The following KCNN2 variants were observed in gnomAD, a reference collection of about 807,000 sequenced individuals.
KCNN2 encodes the protein small conductance calcium-activated potassium channel protein 2.
Under a neutral mutation model 55.5 loss-of-function variants are expected in KCNN2, and 24 were observed. The observed-to-expected ratio is 0.43, with a 90% CI of 0.31 to 0.61. The LOEUF (loss-of-function observed/expected upper bound fraction) is 0.61. Ranked by LOEUF, KCNN2 falls within the 20% of genes least tolerant of loss-of-function variation. The pLI, the probability that KCNN2 is intolerant of heterozygous loss-of-function variation, is 0.08. For missense variants in KCNN2, 754 were observed against 853.6 expected, an observed-to-expected ratio of 0.88 and a Z score of 1.45; for synonymous variants, 431 against 336.1, an observed-to-expected ratio of 1.28 and a Z score of -3.09.
At chr5:114,260,939 A>G (rs1755095884) in intron 2 of KCNN2, among the ~76,000 whole-genome samples, 1 of 152,208 alleles carries the variant, frequency 6.6e-6, no homozygotes, top group African/African-American at 2.4e-5. Context: ...GGAAGAGGAA[A>G]AAAGAAGATT....
intron 1 of KCNN2, among the ~76,000 whole-genome samples, chr5:114,097,722 G>T (rs762913908): frequency 6.6e-6 from 1 of 152,100 alleles, no homozygotes; most frequent in Non-Finnish European, 1.5e-5. Context: ...TCTTTGATTA[G>T]AACTTCTATT....
At position 114,226,336 on chromosome 5, in the gene KCNN2, A is replaced by G. The variant is rs1364937903; in HGVS notation, c.-185+4771A>G. On this transcript the variant is annotated intron_variant, in intron 2 of 10. Transcript: ENST00000512097. ...CAGTATATCGATTTATATTCTAACA[A>G]CAGTTCTTTAAAAGTGATTATTTCC... 3.3e-5 allele frequency among the ~76,000 whole-genome samples: 5 copies of G among 152,296 alleles called. No individual in the cohort carries two copies. In the East Asian group the frequency reaches 9.7e-4, roughly 29 times the overall value.
intron 2 of KCNN2, among the ~76,000 whole-genome samples, chr5:114,280,808 AG>A (rs1755608389): frequency 6.6e-6 from 1 of 152,102 alleles, no homozygotes; most frequent in African/African-American, 2.4e-5. Flanking sequence ...CAAGCTTTCC[AG>A]GGGGTTATAA....
chr5:114,323,137 G>GA (rs1454899625), intron 2 of KCNN2, among the ~76,000 whole-genome samples: 4 of 152,142 alleles, frequency 2.6e-5, no homozygotes, highest in Non-Finnish European at 4.4e-5. Flanking sequence ...GCTCCTCCTG[G>GA]AAAAAGAGGA....
intron 2 of KCNN2, among the ~76,000 whole-genome samples, chr5:114,388,081 A>T (rs945592952): frequency 6.6e-6 from 1 of 152,182 alleles, no homozygotes; most frequent in Non-Finnish European, 1.5e-5. Context: ...AATTTCATAG[A>T]TGCTATGCTG....
intron 1 of KCNN2, among the ~76,000 whole-genome samples, chr5:114,154,791 T>C (rs1752596588): frequency 1.3e-5 from 2 of 152,142 alleles, no homozygotes. Context: ...ATAGAATTTC[T>C]TTAGAATCAT....
At chr5:114,421,002 T>C (rs1759456427) in intron 3 of KCNN2, among the ~76,000 whole-genome samples, 1 of 152,220 alleles carries the variant, frequency 6.6e-6, no homozygotes, top group Non-Finnish European at 1.5e-5. Flanking sequence ...CTAAAAATTG[T>C]GGTGGTGATT....
intron 2 of KCNN2, among the ~76,000 whole-genome samples, chr5:114,355,080 T>C (rs1034232598): frequency 6.6e-6 from 1 of 152,168 alleles, no homozygotes; most frequent in African/African-American, 2.4e-5. Flanking sequence ...TGTGGTTCTT[T>C]CCCTTTGTAT....
At chr5:114,087,559 T>C (rs1252940553) in intron 1 of KCNN2, among the ~76,000 whole-genome samples, 1 of 152,150 alleles carries the variant, frequency 6.6e-6, no homozygotes, top group Admixed American at 6.6e-5. Flanking sequence ...CTTATTTTTG[T>C]CACCTTTGTC....
intron 3 of KCNN2, among the ~76,000 whole-genome samples, chr5:114,408,173 A>G (rs1759000712): frequency 6.7e-6 from 1 of 149,042 alleles, no homozygotes; most frequent in South Asian, 2.1e-4. Context: ...CAGGTAAGTC[A>G]GTGGCCACCT....
chr5:114,088,129 A>G (rs1255339704), intron 1 of KCNN2, among the ~76,000 whole-genome samples: 2 of 151,912 alleles, frequency 1.3e-5, no homozygotes, highest in Non-Finnish European at 2.9e-5. Flanking sequence ...TTTTTGAAGG[A>G]TATTTTCACT....
rs548916561 is a variant in KCNN2 at position 114,472,055 on chromosome 5, G to T, written c.1780-999G>T. Among the ~76,000 whole-genome samples the T allele has an allele frequency of 1.1e-4, 16 of 152,260 alleles. No homozygotes were observed. The South Asian group carries it at 3.1e-3, about 30-fold the overall frequency. On this transcript the variant is annotated intron_variant, in intron 4 of 7. Coordinates refer to ENST00000673685, the MANE Select transcript of KCNN2 (RefSeq NM_021614.4). ...CTAGCTGGGCAATGTCTATGGTTCT[G>T]TGGTCCTCTCAGGGTTGAGATTCTA...
chr5:114,407,614 G>T (rs913652500), intron 3 of KCNN2, among the ~76,000 whole-genome samples: 3 of 152,110 alleles, frequency 2.0e-5, no homozygotes, highest in African/African-American at 7.2e-5. Context: ...TTATTAAAGG[G>T]TGATTTGAGT....
At chr5:114,385,971 A>G (rs930045832) in intron 2 of KCNN2, among the ~76,000 whole-genome samples, 2 of 151,718 alleles carry the variant, frequency 1.3e-5, no homozygotes, top group Non-Finnish European at 2.9e-5. Context: ...GAGGTCAGGA[A>G]ATCGAGACCA....
Position 114,496,041 on chromosome 5 carries a change from G to A in KCNN2, c.2235G>A (p.Arg745=). 1 of 1,614,054 alleles carries A rather than the reference G, an allele frequency of 6.2e-7. No homozygotes were observed. Residue 745 remains arginine, a synonymous_variant, in exon 8 of 8, where the codon AGG becomes AGA. Transcript: ENST00000673685. ...ALPGLISQTI[R]QQQRDFIEAQ... ...CTGGGCTCATAAGCCAGACCATCAG[G>A]CAGCAGCAGAGAGATTTCATTGAGG...
At chr5:114,391,851 A>G (rs1260282099) in intron 2 of KCNN2, among the ~76,000 whole-genome samples, 1 of 152,114 alleles carries the variant, frequency 6.6e-6, no homozygotes, top group Non-Finnish European at 1.5e-5. Context: ...GTGGCTTAAG[A>G]TATCAGGGCT....
chr5:114,182,335 C>T (rs191063792), intron 1 of KCNN2, among the ~76,000 whole-genome samples: 1 of 151,898 alleles, frequency 6.6e-6, no homozygotes, highest in Admixed American at 6.6e-5. Context: ...AGTCCTTGAA[C>T]CTTATCTTTT....
intron 1 of KCNN2, among the ~76,000 whole-genome samples, chr5:114,103,418 T>C (rs1056383967): frequency 1.3e-5 from 2 of 152,294 alleles, no homozygotes; most frequent in Non-Finnish European, 2.9e-5. Context: ...ACTCTTTATT[T>C]CTTTCTCTTG....
intron 2 of KCNN2, among the ~76,000 whole-genome samples, chr5:114,324,799 T>C (rs1756684884): frequency 6.6e-6 from 1 of 152,194 alleles, no homozygotes; most frequent in South Asian, 2.1e-4. Context: ...AGAATTTTCA[T>C]GAGTGTTACA....
Sources: allele counts gnomAD v4.1 joint callset (sites outside exome capture counted in the v4.1 genomes callset), GRCh38; gene constraint gnomAD v4.1.1; transcripts MANE v1.5; gene names NCBI Gene and HGNC (gene_info 2026-07-23, HGNC 2026-07-21).